Variants in OPCML observed in about 807,000 individuals in gnomAD.
OPCML encodes opioid binding protein/cell adhesion molecule like, also known as opioid-binding protein/cell adhesion molecule.
OPCML carries 13 observed loss-of-function variants against 37.8 expected under a neutral mutation model. That is an observed-to-expected ratio of 0.34 (90% CI 0.22 to 0.55). The LOEUF is 0.55. Ranked by LOEUF, OPCML falls within the 20% of genes least tolerant of loss-of-function variation. OPCML has a pLI of 0.91. For synonymous variants in OPCML, 176 were observed against 168.8 expected (o/e 1.04, Z -0.33); for missense variants, 341 against 435.6 (o/e 0.78, Z 1.93).
intron 1 of OPCML, among the ~76,000 whole-genome samples, chr11:133,019,392 G>A (rs2136897540): frequency 6.6e-6 from 1 of 152,292 alleles, no homozygotes; most frequent in South Asian, 2.1e-4. Flanking sequence ...CCTCCAGTGA[G>A]CAGAGAGAAG....
At chr11:133,407,950 G>A (rs1791169426) in intron 1 of OPCML, among the ~76,000 whole-genome samples, 1 of 152,100 alleles carries the variant, frequency 6.6e-6, no homozygotes, top group South Asian at 2.1e-4. Context: ...ATGTTATTCT[G>A]GGCCGCACTT....
chr11:133,360,710 G>T (rs929164253), intron 1 of OPCML: 2 of 152,198 alleles, frequency 1.3e-5, no homozygotes, highest in East Asian at 1.9e-4. Context: ...CTTCTTTCTC[G>T]TTATTCATTG....
At chr11:133,057,190 GTTCTGT>G (rs1410514324) in intron 1 of OPCML, among the ~76,000 whole-genome samples, 1 of 152,166 alleles carries the variant, frequency 6.6e-6, no homozygotes, top group Non-Finnish European at 1.5e-5. Flanking sequence ...TTTGACCAGG[GTTCTGT>G]TCCTTAGATG....
At chr11:132,984,374 C>G (rs1425914205) in intron 1 of OPCML, among the ~76,000 whole-genome samples, 1 of 152,146 alleles carries the variant, frequency 6.6e-6, no homozygotes, top group Non-Finnish European at 1.5e-5. Flanking sequence ...TTCCTCAGTA[C>G]TGGGACCTTG....
intron 1 of OPCML, among the ~76,000 whole-genome samples, chr11:133,524,736 A>G (rs1348320124): frequency 6.6e-6 from 1 of 152,214 alleles, no homozygotes; most frequent in East Asian, 1.9e-4. Context: ...TTTATTGACA[A>G]GCAAGAACAC....
intron 2 of OPCML, among the ~76,000 whole-genome samples, chr11:132,744,103 T>G (rs1178861739): frequency 6.6e-6 from 1 of 152,216 alleles, no homozygotes; most frequent in Admixed American, 6.5e-5. Flanking sequence ...GTATTCACTA[T>G]GTTTTAAAAT....
chr11:132,632,610 A>G (rs940555058), intron 3 of OPCML, among the ~76,000 whole-genome samples: 1 of 152,052 alleles, frequency 6.6e-6, no homozygotes, highest in African/African-American at 2.4e-5. Context: ...TCGCTTCCTG[A>G]GTGGTTCCAT....
chr11:132,437,184 T>A (rs749333186), intron 5 of OPCML, 38 bp downstream of exon 5: 48 of 1,604,498 alleles, frequency 3.0e-5, no homozygotes, highest in Non-Finnish European at 4.1e-5. Flanking sequence ...CCCTGTGCCG[T>A]CTTTTCCCCA....
chr11:133,329,997 A>C (rs992526513), intron 1 of OPCML, among the ~76,000 whole-genome samples: 1 of 152,220 alleles, frequency 6.6e-6, no homozygotes, highest in Non-Finnish European at 1.5e-5. Flanking sequence ...AGAAAAAAAC[A>C]AACAACCCCA....
intron 2 of OPCML, among the ~76,000 whole-genome samples, chr11:132,902,280 C>T (rs1173221250): frequency 6.6e-6 from 1 of 152,082 alleles, no homozygotes; most frequent in African/African-American, 2.4e-5. Context: ...GGATGGGGCT[C>T]AAGTAGTCAG....
intron 4 of OPCML, among the ~76,000 whole-genome samples, chr11:132,458,103 A>G (rs1277982094): frequency 6.6e-6 from 1 of 152,176 alleles, no homozygotes; most frequent in Non-Finnish European, 1.5e-5. Context: ...GTGGACAGAG[A>G]AGGTCTCTTG....
intron 1 of OPCML, among the ~76,000 whole-genome samples, chr11:133,371,282 CT>C (rs1944668609): frequency 6.6e-6 from 1 of 152,114 alleles, no homozygotes; most frequent in Non-Finnish European, 1.5e-5. Context: ...ATATAACTAC[CT>C]GAAATGCAGC....
At chr11:132,961,580 T>G (rs964208095) in intron 1 of OPCML, among the ~76,000 whole-genome samples, 3 of 152,170 alleles carry the variant, frequency 2.0e-5, no homozygotes, top group Non-Finnish European at 4.4e-5. Flanking sequence ...GTGTGAAGAA[T>G]GGTAAATATA....
At chr11:132,862,309 C>T (rs1364282307) in intron 2 of OPCML, among the ~76,000 whole-genome samples, 2 of 152,072 alleles carry the variant, frequency 1.3e-5, no homozygotes, top group East Asian at 1.9e-4. Context: ...AACCAAGTTT[C>T]GGGTAGGCTG....
chr11:133,451,713 G>C (rs1220830265), intron 1 of OPCML, among the ~76,000 whole-genome samples: 2 of 148,274 alleles, frequency 1.3e-5, no homozygotes, highest in Non-Finnish European at 2.9e-5. Flanking sequence ...TGTGGTGGCG[G>C]GTGCCTGTAA....
At chr11:132,751,527 C>G (rs4937720) in intron 2 of OPCML, among the ~76,000 whole-genome samples, 119,493 of 152,236 alleles carry the variant, frequency 0.78, 47,924 homozygotes, top group East Asian at 0.97. Context: ...GTAAGAGTCT[C>G]CATTTACTTA....
chr11:132,941,609 G>A (rs958295205), intron 2 of OPCML, among the ~76,000 whole-genome samples: 2 of 152,186 alleles, frequency 1.3e-5, no homozygotes, highest in African/African-American at 4.8e-5. Context: ...GTCTGGGGCA[G>A]GCTGAGTGGT....
intron 7 of OPCML, among the ~76,000 whole-genome samples, chr11:132,430,132 TG>T (rs2095991570): frequency 6.6e-6 from 1 of 152,132 alleles, no homozygotes; most frequent in Admixed American, 6.5e-5. Context: ...CAGAGGCCTG[TG>T]GCTGGAGGGA....
chr11:132,853,976 T>C (rs574046246), intron 2 of OPCML, among the ~76,000 whole-genome samples: 1 of 152,270 alleles, frequency 6.6e-6, no homozygotes, highest in South Asian at 2.1e-4. Flanking sequence ...TCTATTATAT[T>C]TGAAGCTAGC....
Sources: allele counts gnomAD v4.1 joint callset (sites outside exome capture counted in the v4.1 genomes callset), GRCh38; gene constraint gnomAD v4.1.1; transcripts MANE v1.5; gene names NCBI Gene and HGNC (gene_info 2026-07-23, HGNC 2026-07-21).